The following ZEB2 variants were observed in gnomAD, a reference collection of about 807,000 sequenced individuals.
The protein encoded by ZEB2 is zinc finger E-box binding homeobox 2, also known as zinc finger E-box-binding homeobox 2.
ZEB2 carries 6 observed loss-of-function variants against 99.9 expected under a neutral mutation model. That is an observed-to-expected ratio of 0.06 (90% CI 0.03 to 0.12). ZEB2 has a LOEUF of 0.12. ZEB2 is among the 10% of genes least tolerant of loss of function. ZEB2 has a pLI of 1.00. For missense variants in ZEB2, 969 were observed against 1,502.8 expected, an observed-to-expected ratio of 0.64 and a Z score of 5.87; for synonymous variants, 517 against 542.5, an observed-to-expected ratio of 0.95 and a Z score of 0.65.
intron 2 of ZEB2, among the ~76,000 whole-genome samples, chr2:144,465,448 T>C (rs1010519669): frequency 3.3e-5 from 5 of 152,164 alleles, no homozygotes; most frequent in African/African-American, 1.2e-4. Context: ...TCCAGTCCTA[T>C]GTATGTACAT....
intron 2 of ZEB2, among the ~76,000 whole-genome samples, chr2:144,468,554 T>C (rs1340034870): frequency 6.6e-6 from 1 of 152,140 alleles, no homozygotes; most frequent in Non-Finnish European, 1.5e-5. Context: ...CATTTCCTTT[T>C]TTTAGGAGAT....
At chr2:144,413,250 G>A (rs1703489239) in intron 4 of ZEB2, among the ~76,000 whole-genome samples, 1 of 152,146 alleles carries the variant, frequency 6.6e-6, no homozygotes, top group Non-Finnish European at 1.5e-5. Context: ...GAAGTGCCTG[G>A]AAACCCCAGA....
intron 2 of ZEB2, among the ~76,000 whole-genome samples, chr2:144,467,868 A>G (rs1265196301): frequency 6.6e-6 from 1 of 152,188 alleles, no homozygotes; most frequent in Non-Finnish European, 1.5e-5. Flanking sequence ...GAAGATAGCA[A>G]TGCGTGCTGA....
At chr2:144,478,652 T>C (rs1704464598) in intron 2 of ZEB2, among the ~76,000 whole-genome samples, 1 of 152,232 alleles carries the variant, frequency 6.6e-6, no homozygotes, top group Non-Finnish European at 1.5e-5. Flanking sequence ...AAATAGCATT[T>C]GTATTCAACG....
intron 2 of ZEB2, among the ~76,000 whole-genome samples, chr2:144,507,743 C>T (rs1157635654): frequency 6.6e-6 from 1 of 152,178 alleles, no homozygotes; most frequent in Non-Finnish European, 1.5e-5. Context: ...GATCATCTTC[C>T]TTCTCCTTTC....
chr2:144,485,862 A>T (rs1704588042), intron 2 of ZEB2, among the ~76,000 whole-genome samples: 1 of 151,576 alleles, frequency 6.6e-6, no homozygotes, highest in Admixed American at 6.6e-5. Context: ...CAGGCAATCC[A>T]CCTGTCTCGG....
chr2:144,442,314 C>A (rs1411075450), intron 2 of ZEB2, among the ~76,000 whole-genome samples: 2 of 152,058 alleles, frequency 1.3e-5, no homozygotes, highest in Non-Finnish European at 1.5e-5. Flanking sequence ...CTGATACAAG[C>A]AATATCAAAA....
At chr2:144,516,228 C>CG (rs1248089690) in intron 2 of ZEB2, 4 of 148,186 alleles carry the variant, frequency 2.7e-5, no homozygotes, top group East Asian at 2.0e-4. Context: ...CCCCACCCCC[C>CG]CCCGGCACCC....
chr2:144,496,855 C>T (rs987583094), intron 2 of ZEB2: 5 of 152,156 alleles, frequency 3.3e-5, no homozygotes, highest in Admixed American at 6.5e-5. Context: ...TTGCCAGAGA[C>T]GTGTCACTGA....
intron 2 of ZEB2, chr2:144,461,074 G>C (rs1356196748): frequency 2.0e-5 from 3 of 147,004 alleles, no homozygotes; most frequent in Non-Finnish European, 4.5e-5. Flanking sequence ...CAAAGTAAGT[G>C]CTATAGTTAT....
chr2:144,510,143 A>ATT (rs143786993), intron 2 of ZEB2, among the ~76,000 whole-genome samples: 46 of 150,960 alleles, frequency 3.0e-4, no homozygotes, highest in Admixed American at 2.4e-3. Flanking sequence ...TTTTCAGAGA[A>ATT]TTTTTTTTTT....
At chr2:144,473,009 A>G (rs1704380210) in intron 2 of ZEB2, among the ~76,000 whole-genome samples, 1 of 152,208 alleles carries the variant, frequency 6.6e-6, no homozygotes, top group Non-Finnish European at 1.5e-5. Context: ...TGTCAGTGTT[A>G]TTAAATAAAG....
chr2:144,446,650 T>G (rs1489127448), intron 2 of ZEB2, among the ~76,000 whole-genome samples: 1 of 152,026 alleles, frequency 6.6e-6, no homozygotes, highest in East Asian at 1.9e-4. Flanking sequence ...TTAATCAATC[T>G]ACTCTCATTT....
At chr2:144,489,572 T>C (rs1242291614) in intron 2 of ZEB2, among the ~76,000 whole-genome samples, 1 of 152,246 alleles carries the variant, frequency 6.6e-6, no homozygotes, top group Non-Finnish European at 1.5e-5. Context: ...GATGCTATTA[T>C]ATATTATTAA....
intron 2 of ZEB2, chr2:144,512,940 A>G (rs757084773): frequency 1.6e-6 from 2 of 1,287,128 alleles, no homozygotes; most frequent in South Asian, 1.2e-5. Flanking sequence ...GGCTCCCTAG[A>G]AGCTCATCAA....
intron 4 of ZEB2, chr2:144,424,300 T>C: frequency 2.0e-6 from 1 of 501,846 alleles, no homozygotes; most frequent in Non-Finnish European, 3.9e-6. Context: ...TGCAGAGAAT[T>C]ACAAGTAAAG....
At chr2:144,508,189 G>A (rs1365646322) in intron 2 of ZEB2, among the ~76,000 whole-genome samples, 2 of 152,162 alleles carry the variant, frequency 1.3e-5, no homozygotes, top group African/African-American at 4.8e-5. Context: ...CGCTGCCCGG[G>A]CCCCCGAGCC....
At chr2:144,391,640 A>C (rs1220714688) in intron 9 of ZEB2, among the ~76,000 whole-genome samples, 1 of 152,222 alleles carries the variant, frequency 6.6e-6, no homozygotes, top group Non-Finnish European at 1.5e-5. Context: ...TTTAAGAGGA[A>C]GCAGACGTGT....
chr2:144,396,715 T>C (rs1413774766), intron 8 of ZEB2, 123 bp from the exon 9 acceptor site: 2 of 998,104 alleles, frequency 2.0e-6, no homozygotes, highest in African/African-American at 1.6e-5. Flanking sequence ...GAGTTAAACA[T>C]TTTTTTTTCC....
Sources: allele counts gnomAD v4.1 joint callset (sites outside exome capture counted in the v4.1 genomes callset), GRCh38; gene constraint gnomAD v4.1.1; transcripts MANE v1.5; gene names NCBI Gene and HGNC (gene_info 2026-07-23, HGNC 2026-07-21).